The following ZIM2 variants were observed in gnomAD, a reference collection of about 807,000 sequenced individuals.
ZIM2 encodes zinc finger imprinted 2.
ZIM2 carries 14 observed loss-of-function variants against 38.6 expected under a neutral mutation model. The observed-to-expected ratio is 0.36, with a 90% CI of 0.24 to 0.57. ZIM2 has a LOEUF of 0.57. Among genes scored for constraint, ZIM2 ranks in the 20% least tolerant of loss-of-function variants. The pLI is 0.81. For synonymous variants in ZIM2, 247 were observed against 245.8 expected (o/e 1.00, Z -0.04); for missense variants, 680 against 695.1 (o/e 0.98, Z 0.24).
Position 56,821,711 on chromosome 19 carries a change from T to G in ZIM2, c.234A>C (p.Thr78=), listed in dbSNP as rs771388006. ...RDLSLPVVAK[T]SFEMDREDDR... Reference sequence around the variant, plus strand: ...CGTCCTCTCTGTCCATTTCAAAGCTTGTTTTCGCCACCACAGGAAGGGAAA... The same window carrying G: ...CGTCCTCTCTGTCCATTTCAAAGCTGGTTTTCGCCACCACAGGAAGGGAAA... Residue 78 remains threonine (T), a synonymous_variant, in exon 7 of 13, where the codon ACA becomes ACC. Coordinates refer to ENST00000629319, the MANE Select transcript of ZIM2 (RefSeq NM_001387356.1). 2.7e-5 allele frequency: 43 copies of G among 1,613,974 alleles called. No individual in the cohort carries two copies. Among genetic ancestry groups the G allele is most frequent in the Non-Finnish European group, 3.6e-5 (43 of 1,180,010 alleles).
At chr19:56,839,575 A>C (rs908734096) in intron 1 of ZIM2, among the ~76,000 whole-genome samples, 1 of 151,624 alleles carries the variant, frequency 6.6e-6, no homozygotes, top group Non-Finnish European at 1.5e-5. Flanking sequence ...GCCTGAGTGG[A>C]TAGTTACCCA....
intron 9 of ZIM2, 43 bp from the exon 10 acceptor site, chr19:56,789,994 G>A (rs753632468): frequency 6.9e-6 from 10 of 1,450,816 alleles, no homozygotes; most frequent in African/African-American, 5.5e-5. Flanking sequence ...GTCCTGTCTG[G>A]TAGCACTGAC....
chr19:56,829,682 C>A (rs568234930), intron 2 of ZIM2, among the ~76,000 whole-genome samples: 1 of 152,334 alleles, frequency 6.6e-6, no homozygotes, highest in South Asian at 2.1e-4. Flanking sequence ...GTGGCCCAAC[C>A]CTTAGCCTTG....
intron 9 of ZIM2, among the ~76,000 whole-genome samples, chr19:56,794,596 A>G (rs1460477939): frequency 1.3e-5 from 2 of 152,234 alleles, no homozygotes; most frequent in African/African-American, 4.8e-5. Context: ...CAATCTGCCA[A>G]ATTTTCCTTT....
At chr19:56,833,801 A>C (rs1214326150) in intron 2 of ZIM2, 1 of 152,622 alleles carries the variant, frequency 6.6e-6, no homozygotes, top group East Asian at 1.9e-4. Flanking sequence ...GGGACTTTAG[A>C]GGGAAAATTT....
chr19:56,835,862 A>G (rs1028876832), intron 2 of ZIM2, among the ~76,000 whole-genome samples, 156 bp downstream of exon 2: 1 of 152,220 alleles, frequency 6.6e-6, no homozygotes, highest in East Asian at 1.9e-4. Flanking sequence ...TAGAGAATAC[A>G]CAATCCACCA....
chr19:56,782,213 C>A (rs2046363582), intron 10 of ZIM2, 92 bp from the exon 11 acceptor site: 1 of 1,510,674 alleles, frequency 6.6e-7, no homozygotes, highest in African/African-American at 1.4e-5. Context: ...GTGCTCTAAT[C>A]CAGAGCCACA....
At chr19:56,839,760 T>C (rs1422249220) in intron 1 of ZIM2, among the ~76,000 whole-genome samples, 1 of 151,244 alleles carries the variant, frequency 6.6e-6, no homozygotes, top group Non-Finnish European at 1.5e-5. Flanking sequence ...CTGCCACCAA[T>C]CAACCAGAAC....
rs1286161008 is a variant in ZIM2 at position 56,775,451 on chromosome 19, G to C, written c.914C>G (p.Pro305Arg). ...GCTTCTTTCCGGAGTGAGGGTCTTG[G>C]GGTCATTCATTGTTATAGGAGTCAA... ...KLLTPITMND[P>R]KTLTPERSYG... Residue 305 changes from proline to arginine, a missense_variant, in exon 13 of 13, where the codon CCC becomes CGC. Coordinates refer to ENST00000629319, the MANE Select transcript of ZIM2 (RefSeq NM_001387356.1). 4 of 1,613,846 alleles carry C rather than the reference G, an allele frequency of 2.5e-6. No homozygotes were observed. The highest frequency in any genetic ancestry group is 2.5e-6 in the Non-Finnish European group (3 of 1,180,016).
chr19:56,833,429 C>T (rs536042582), intron 2 of ZIM2: 13 of 335,182 alleles, frequency 3.9e-5, no homozygotes, highest in Admixed American at 3.4e-4. Context: ...CTCTGCAGAC[C>T]GACATTCTCT....
rs538479539 is a variant in ZIM2 at position 56,816,367 on chromosome 19, T to C, written c.490+1379A>G. 69 of 1,614,024 alleles carry C rather than the reference T, an allele frequency of 4.3e-5. No homozygotes were observed. The South Asian group carries it at 6.8e-4, about 16-fold the overall frequency. ...GAGCTCTGAGCTTTGCATGAAGGCA[T>C]CCCGGCCATCTGTAAAGTCACAGAG... On this transcript the variant is annotated intron_variant, in intron 9 of 12. Transcript: ENST00000629319.
intron 9 of ZIM2, among the ~76,000 whole-genome samples, chr19:56,791,938 G>C (rs1260149821): frequency 6.6e-6 from 1 of 150,560 alleles, no homozygotes; most frequent in Non-Finnish European, 1.5e-5. Context: ...AATCATTCTT[G>C]TTCTTGAATA....
intron 9 of ZIM2, chr19:56,810,540 C>T (rs2048060842): frequency 1.0e-6 from 1 of 978,596 alleles, no homozygotes; most frequent in East Asian, 1.1e-4. Context: ...ATTTTCTTTA[C>T]TGAATTTCCA....
intron 6 of ZIM2, 96 bp downstream of exon 6, chr19:56,822,657 C>G: frequency 1.3e-6 from 2 of 1,504,770 alleles, no homozygotes; most frequent in East Asian, 2.4e-5. Context: ...CCAAATGGAG[C>G]AGCAGAAACT....
chr19:56,810,206 C>T (rs2146059324), intron 9 of ZIM2: 2 of 982,242 alleles, frequency 2.0e-6, no homozygotes, highest in South Asian at 9.4e-5. Flanking sequence ...GTTAACCACA[C>T]TCTTTGGATG....
intron 7 of ZIM2, 74 bp from the exon 8 acceptor site, chr19:56,818,776 C>T: frequency 9.2e-6 from 14 of 1,527,452 alleles, no homozygotes; most frequent in Non-Finnish European, 1.3e-5. Context: ...ATGTTGGCAA[C>T]ATGGGAGTTA....
intron 2 of ZIM2, among the ~76,000 whole-genome samples, chr19:56,829,699 A>C (rs1860567): frequency 0.79 from 119,849 of 152,196 alleles, 47,327 homozygotes; most frequent in South Asian, 0.84. Flanking sequence ...CTTGGATTCA[A>C]CCCGTCCTCT....
rs765335672 is a variant in ZIM2 at position 56,774,766 on chromosome 19, A to G, written c.1599T>C (p.Cys533=). 2 of 1,614,188 alleles carry G rather than the reference A, an allele frequency of 1.2e-6. No individual in the cohort carries two copies. The highest frequency in any genetic ancestry group is 1.7e-6 in the Non-Finnish European group (2 of 1,180,032). Residue 533 remains cysteine (C), a synonymous_variant, in exon 13 of 13, where the codon TGT becomes TGC. Transcript: ENST00000629319. ...RPYQCQLCGK[C]FGRPSYLTQH... ...GAGTGAGGTATGAGGGTCGGCCGAA[A>G]CATTTCCCACATAGCTGACACTGGT...
intron 2 of ZIM2, among the ~76,000 whole-genome samples, chr19:56,827,801 A>G (rs1427208514): frequency 6.6e-6 from 1 of 152,196 alleles, no homozygotes; most frequent in Non-Finnish European, 1.5e-5. Flanking sequence ...CAAGATAGTT[A>G]AGTGCAAAAC....
Sources: allele counts gnomAD v4.1 joint callset (sites outside exome capture counted in the v4.1 genomes callset), GRCh38; gene constraint gnomAD v4.1.1; transcripts MANE v1.5; gene names NCBI Gene and HGNC (gene_info 2026-07-23, HGNC 2026-07-21).